Variants in HAL observed in about 807,000 individuals in gnomAD.
HAL encodes histidase.
Under a neutral mutation model 81.1 loss-of-function variants are expected in HAL, and 85 were observed. That is an observed-to-expected ratio of 1.05 (90% confidence interval 0.88 to 1.25). The LOEUF (loss-of-function observed/expected upper bound fraction) is 1.25, where lower values mean the gene tolerates loss of function less well. HAL is among the 50% of genes most tolerant of loss of function. HAL has a pLI of 0.00. For missense variants in HAL, 798 were observed against 836.6 expected, an observed-to-expected ratio of 0.95 and a Z score of 0.57; for synonymous variants, 301 against 309.2, an observed-to-expected ratio of 0.97 and a Z score of 0.28.
chr12:95,974,059 C>T lies in HAL; in HGVS notation c.*173G>A, dbSNP rs374978904. 7.1e-6 allele frequency: 5 copies of T among 706,036 alleles called. No individual in the cohort carries two copies. In the African/African-American group the frequency reaches 8.8e-5, roughly 12 times the overall value. 43.7% of individuals were successfully genotyped at this position (706,036 alleles called of 1,614,324 possible). A position where few individuals can be genotyped will look rare whatever the true frequency, so the allele number is the denominator to read the frequency against. On this transcript the variant is annotated 3_prime_UTR_variant, in exon 21 of 21. Coordinates refer to ENST00000261208, the MANE Select transcript of HAL (RefSeq NM_002108.4). ...GAACCACGACAACAGGAACACAGTG[C>T]TGAATTTAGCAACTATAATACTGCC... is the stretch of plus-strand genomic sequence containing the variant.
Position 95,980,629 on chromosome 12 carries a change from C to A in HAL, c.1446G>T (p.Leu482=), listed in dbSNP as rs772025660. The A allele has an allele frequency of 6.2e-7, 1 of 1,613,790 alleles. No homozygotes were observed. The highest frequency in any genetic ancestry group is 8.5e-7 in the Non-Finnish European group (1 of 1,179,792). ...CACCTTCAGCCACCAGGAAGGCAGG[C>A]AGCTCACTGAGGGAGGGATTGCAGA... is the stretch of plus-strand genomic sequence containing the variant. The part of the protein sequence containing the change: ...ERLCNPSLSE[L]PAFLVAEGGL... The change falls in exon 17 of 21, where the codon CTG becomes CTT. Residue 482 remains leucine, a synonymous_variant. Coordinates refer to ENST00000261208, the MANE Select transcript of HAL (RefSeq NM_002108.4).
At chr12:95,979,488 C>T (rs2080765694) in intron 17 of HAL, among the ~76,000 whole-genome samples, 4 of 152,148 alleles carry the variant, frequency 2.6e-5, no homozygotes. Context: ...TGAGGATCAA[C>T]AGGATAAAGA....
At chr12:95,977,834 C>T (rs1400597842) in intron 18 of HAL, 110 bp downstream of exon 18, 1 of 1,189,728 alleles carries the variant, frequency 8.4e-7, no homozygotes, top group African/African-American at 1.5e-5. Flanking sequence ...GTCTGCCTTC[C>T]TAACAAGTTT....
At chr12:95,974,393 A>G (rs372760582) in intron 20 of HAL, 21 bp from the exon 21 acceptor site, 1 of 1,611,252 alleles carries the variant, frequency 6.2e-7, no homozygotes, top group African/African-American at 1.3e-5. Flanking sequence ...AGGACAAAAC[A>G]AAGTTGAAAT....
At chr12:95,984,104 CTTATT>C in intron 14 of HAL, 113 bp from the exon 15 acceptor site, 1 of 686,524 alleles carries the variant, frequency 1.5e-6, no homozygotes, top group Non-Finnish European at 2.6e-6. Context: ...TACAGAAGAT[CTTATT>C]TTAAAGTTAT....
rs565773964 is a variant in HAL at position 95,995,578 on chromosome 12, T to C, written c.247+86A>G. ...CGGCAAGCCTGACCTCTGCTCATCA[T>C]TTTCCCTGAGGTGGGGGTTCAATGC... On this transcript the variant is annotated intron_variant, in intron 2 of 20. Coordinates refer to ENST00000261208, the MANE Select transcript of HAL (RefSeq NM_002108.4). The C allele has an allele frequency of 3.8e-6, 6 of 1,570,154 alleles. No homozygotes were observed. In the African/African-American group the frequency reaches 6.7e-5, roughly 18 times the overall value.
chr12:95,987,235 G>A, intron 11 of HAL, 21 bp from the exon 12 acceptor site: 12 of 1,607,200 alleles, frequency 7.5e-6, no homozygotes, highest in Non-Finnish European at 1.0e-5. Context: ...AGAGAGCAAA[G>A]TTTCCTACTG....
chr12:95,995,710 C>A lies in HAL; in HGVS notation c.201G>T (p.Glu67Asp). The change falls in exon 2 of 21, where the codon GAG (glutamate) becomes GAT (aspartate). Residue 67 changes from glutamate to aspartate, a missense_variant. By Grantham distance (45) the Glu-to-Asp change is conservative. Coordinates refer to ENST00000261208, the MANE Select transcript of HAL (RefSeq NM_002108.4). ...TCTCTAGGGCCACCTCGAGCCGGTC[C>A]TCGTTGTCCAGCAGGCCCAGGCCCT... The part of the protein sequence containing the change: ...RCKGLGLLDN[E>D]DRLEVALENN... 1 of 1,613,796 alleles carries A rather than the reference C, an allele frequency of 6.2e-7. No individual in the cohort carries two copies. The highest frequency in any genetic ancestry group is 8.5e-7 in the Non-Finnish European group (1 of 1,180,036).
chr12:95,976,557 T>C (rs770697859), intron 19 of HAL, 41 bp downstream of exon 19: 1 of 1,592,128 alleles, frequency 6.3e-7, no homozygotes, highest in South Asian at 1.1e-5. Flanking sequence ...GGGTTCACAG[T>C]GCTGAACTGA....
At chr12:95,993,744 C>A (rs199870262) in intron 7 of HAL, 28 bp downstream of exon 7, 1 of 1,242,496 alleles carries the variant, frequency 8.0e-7, no homozygotes, top group Admixed American at 1.7e-5. Flanking sequence ...GTAGGTGGAA[C>A]GTGAACATAT....
At chr12:95,989,160 C>T (rs12307364) in intron 10 of HAL, among the ~76,000 whole-genome samples, 42,459 of 151,952 alleles carry the variant, frequency 0.28, 6,451 homozygotes, top group African/African-American at 0.39. Context: ...GCAGCGGAGA[C>T]GGAAGCTTCT....
intron 4 of HAL, 136 bp downstream of exon 4, chr12:95,994,662 C>T (rs1950010848): frequency 4.4e-6 from 4 of 901,384 alleles, no homozygotes; most frequent in Admixed American, 1.7e-5. Context: ...AGTGCTGGGA[C>T]TACAGACATG....
At chr12:95,989,148 G>C (rs184676785) in intron 10 of HAL, among the ~76,000 whole-genome samples, 126 of 152,304 alleles carry the variant, frequency 8.3e-4, no homozygotes, top group African/African-American at 2.9e-3. Context: ...GTAGGAAGTG[G>C]AGCAGCGGAG....
chr12:95,977,217 C>CA (rs2080731539), intron 18 of HAL, among the ~76,000 whole-genome samples: 3 of 152,088 alleles, frequency 2.0e-5, no homozygotes, highest in South Asian at 2.1e-4. Context: ...GAAATTGCTT[C>CA]CAGGTCCACC....
chr12:95,980,776 G>A (rs6538693), intron 16 of HAL, 22 bp downstream of exon 16: 1,286,095 of 1,593,122 alleles, frequency 0.81, 522,286 homozygotes, highest in African/African-American at 0.96. Context: ...TTCTGGGTCA[G>A]GAGCAGTTTT....
chr12:95,992,722 T>A lies in HAL; in HGVS notation c.673A>T (p.Ile225Phe). 1.2e-6 allele frequency: 2 copies of A among 1,612,874 alleles called. No individual in the cohort carries two copies. Among genetic ancestry groups the A allele is most frequent in the Non-Finnish European group, 1.7e-6 (2 of 1,178,820 alleles). ...ACTTGTTTGAGGGTCTCCAGGGAAA[T>A]GCCACTGTATCCTTTGGCTAAGACA... is the stretch of plus-strand genomic sequence containing the variant. ...INVLAKGYSG[I>F]SLETLKQVIE... Residue 225 changes from isoleucine (I) to phenylalanine (F), a missense_variant, in exon 9 of 21, where the codon ATT (isoleucine) becomes TTT (phenylalanine). Transcript: ENST00000261208.
intron 7 of HAL, 110 bp downstream of exon 7, chr12:95,993,662 C>T (rs1162987945): frequency 1.2e-6 from 1 of 857,312 alleles, no homozygotes; most frequent in African/African-American, 1.7e-5. Flanking sequence ...TAACCCAAGC[C>T]TCATCCTCTG....
rs777370711 is a variant in HAL, at chr12:95,978,083, A to G, written c.1520-5T>C. The G allele has an allele frequency of 3.1e-6, 5 of 1,613,002 alleles. No individual in the cohort carries two copies. The highest frequency in any genetic ancestry group is 1.1e-5 in the South Asian group (1 of 91,058). ...ACAGAGCCTTGTTCTCAGAAACTGC[A>G]AGAGACCAGTGCCAGTTAAGAAGTG... On this transcript the variant is annotated splice_polypyrimidine_tract_variant and splice_region_variant and intron_variant, in intron 17 of 20. Coordinates refer to ENST00000261208, the MANE Select transcript of HAL (RefSeq NM_002108.4).
chr12:95,981,157 G>T (rs548449878), intron 15 of HAL, among the ~76,000 whole-genome samples: 1 of 149,162 alleles, frequency 6.7e-6, no homozygotes, highest in Admixed American at 6.7e-5. Flanking sequence ...CTGGTGGTTA[G>T]TACCTGCCCT....
Sources: gnomAD v4.1 joint callset for allele counts (sites outside exome capture counted in the v4.1 genomes callset) on GRCh38, gnomAD v4.1.1 for gene constraint, MANE v1.5 for transcripts, NCBI Gene and HGNC (gene_info 2026-07-23, HGNC 2026-07-21) for gene names.